CHODL: variants seen among roughly 807,000 people sequenced by gnomAD.
The protein encoded by CHODL is chondrolectin.
Under a neutral mutation model 34.5 loss-of-function variants are expected in CHODL, and 29 were observed. That is an observed-to-expected ratio of 0.84 (90% CI 0.63 to 1.15). CHODL has a LOEUF of 1.15. Among genes scored for constraint, CHODL ranks in the 50% most tolerant of loss-of-function variants. The pLI is 0.00. For missense variants in CHODL, 332 were observed against 332.5 expected (o/e 1.00, Z 0.01); for synonymous variants, 125 against 116.1 (o/e 1.08, Z -0.49).
At chr21:18,035,592 T>G (rs1330659548) in intron 2 of CHODL, among the ~76,000 whole-genome samples, 1 of 152,038 alleles carries the variant, frequency 6.6e-6, no homozygotes, top group Non-Finnish European at 1.5e-5. Flanking sequence ...TATATACTAG[T>G]CTACTTGAAG....
At chr21:18,206,304 A>G (rs1444634882) in intron 2 of CHODL, among the ~76,000 whole-genome samples, 1 of 152,216 alleles carries the variant, frequency 6.6e-6, no homozygotes, top group African/African-American at 2.4e-5. Context: ...TGCTTTGTAT[A>G]TCAGAATACT....
At chr21:18,191,258 A>G (rs1427639843) in intron 2 of CHODL, among the ~76,000 whole-genome samples, 1 of 152,142 alleles carries the variant, frequency 6.6e-6, no homozygotes, top group Admixed American at 6.6e-5. Flanking sequence ...GCAATTTGTT[A>G]TCTTAGCAGA....
At chr21:18,070,888 C>CTT (rs111964274) in intron 2 of CHODL, among the ~76,000 whole-genome samples, 1 of 144,716 alleles carries the variant, frequency 6.9e-6, no homozygotes, top group African/African-American at 2.5e-5. Context: ...TTATAGTATC[C>CTT]TTTTTTTTTT....
chr21:18,158,071 G>GTTT (rs34811787), intron 2 of CHODL, among the ~76,000 whole-genome samples: 4 of 141,284 alleles, frequency 2.8e-5, no homozygotes, highest in South Asian at 2.3e-4. Context: ...ATTCCAAAAG[G>GTTT]TTTTTTTTTT....
chr21:18,101,776 G>T (rs1245304635), intron 2 of CHODL, among the ~76,000 whole-genome samples: 5 of 150,814 alleles, frequency 3.3e-5, no homozygotes, highest in Non-Finnish European at 7.4e-5. Context: ...CTCATCCATG[G>T]TAAAGAGCAT....
At chr21:17,938,460 T>A (rs975524587) in intron 1 of CHODL, among the ~76,000 whole-genome samples, 3 of 109,632 alleles carry the variant, frequency 2.7e-5, no homozygotes, top group African/African-American at 3.5e-5. Flanking sequence ...GAAACCCACA[T>A]TCTTTTTTTT....
At chr21:18,160,456 C>T (rs1215321676) in intron 2 of CHODL, among the ~76,000 whole-genome samples, 1 of 151,818 alleles carries the variant, frequency 6.6e-6, no homozygotes, top group Non-Finnish European at 1.5e-5. Context: ...AACCTAGTAC[C>T]CATTAGTTAT....
At chr21:18,193,708 A>AT (rs2073543417) in intron 2 of CHODL, among the ~76,000 whole-genome samples, 1 of 142,000 alleles carries the variant, frequency 7.0e-6, no homozygotes, top group African/African-American at 2.8e-5. Context: ...AAAAAAAAAA[A>AT]AATAAAATAA....
chr21:17,987,964 AG>A (rs2063766624), intron 1 of CHODL, among the ~76,000 whole-genome samples: 1 of 152,168 alleles, frequency 6.6e-6, no homozygotes, highest in African/African-American at 2.4e-5. Flanking sequence ...GCACAAATTG[AG>A]GGTGGATGCA....
At chr21:18,128,492 T>C (rs1035149214) in intron 2 of CHODL, among the ~76,000 whole-genome samples, 1 of 151,936 alleles carries the variant, frequency 6.6e-6, no homozygotes, top group Non-Finnish European at 1.5e-5. Context: ...TTAAGGAAAC[T>C]TCAATAAAAT....
chr21:18,145,435 C>CTAAA (rs2072868990), intron 2 of CHODL, among the ~76,000 whole-genome samples: 1 of 60,892 alleles, frequency 1.6e-5, no homozygotes, highest in African/African-American at 5.3e-5. Flanking sequence ...GACTACCTTT[C>CTAAA]AAAAAAAAAA....
chr21:18,154,791 G>A (rs571756951), intron 2 of CHODL, among the ~76,000 whole-genome samples: 2 of 152,174 alleles, frequency 1.3e-5, no homozygotes, highest in Non-Finnish European at 2.9e-5. Flanking sequence ...TGTATTTAAT[G>A]TTATGCATTA....
At position 17,944,377 on chromosome 21, in the gene CHODL, A is replaced by G. The variant is rs527603714; in HGVS notation, c.-145+26977A>G. ...CCAACAATCCTGCCCAGGTAGAAAG[A>G]TTCTCACCTCTGTATTTTTTGGAGA... On this transcript the variant is annotated intron_variant, in intron 1 of 6. Transcript: ENST00000400127. Among the ~76,000 whole-genome samples the G allele has an allele frequency of 1.4e-4, 21 of 152,252 alleles. No homozygotes were observed. The East Asian group carries it at 3.5e-3, about 25-fold the overall frequency.
rs2063486335 is a variant in CHODL, at chr21:17,955,073, C to T, written c.-145+37673C>T. On this transcript the variant is annotated intron_variant, in intron 1 of 6. Transcript: ENST00000400127. ...GGAAAGTCCAAGATGAAGGCACAGGCAGATTCAGTGTCTGGTGAGAGCATG... is the reference window on the plus strand; with the variant it reads ...GGAAAGTCCAAGATGAAGGCACAGGTAGATTCAGTGTCTGGTGAGAGCATG... Among the ~76,000 whole-genome samples, 2 of 134,862 alleles carry T rather than the reference C, an allele frequency of 1.5e-5. 1 individual carries two copies. Among genetic ancestry groups the T allele is most frequent in the South Asian group, 5.7e-4 (2 of 3,526 alleles). The allele number at this position is 134,862 out of a possible 152,430, so 88.5% of individuals were successfully genotyped here. A position where few individuals can be genotyped will look rare whatever the true frequency, so the allele number is the denominator to read the frequency against.
intron 2 of CHODL, among the ~76,000 whole-genome samples, chr21:18,120,668 T>A (rs1230634708): frequency 6.6e-6 from 1 of 152,214 alleles, no homozygotes; most frequent in Non-Finnish European, 1.5e-5. Flanking sequence ...TATCTATACA[T>A]ATACACATAT....
chr21:18,136,420 T>C (rs2072729079), intron 2 of CHODL, among the ~76,000 whole-genome samples: 1 of 152,106 alleles, frequency 6.6e-6, no homozygotes, highest in Admixed American at 6.5e-5. Flanking sequence ...GTTTGACTGT[T>C]TCTATTCCCT....
upstream of CHODL, among the ~76,000 whole-genome samples, chr21:18,243,503 A>C (rs1009446855): frequency 2.0e-5 from 3 of 152,164 alleles, no homozygotes; most frequent in African/African-American, 7.2e-5. Context: ...TATAAGAAAA[A>C]GGAAGTGATA....
At chr21:18,214,303 C>A (rs1394094070) in intron 2 of CHODL, among the ~76,000 whole-genome samples, 1 of 152,054 alleles carries the variant, frequency 6.6e-6, no homozygotes, top group Non-Finnish European at 1.5e-5. Flanking sequence ...CTTCCTCTGA[C>A]CTTTCTCGTT....
intron 2 of CHODL, among the ~76,000 whole-genome samples, chr21:18,151,107 A>G (rs1408307147): frequency 7.1e-6 from 1 of 141,372 alleles, no homozygotes; most frequent in Non-Finnish European, 1.6e-5. Flanking sequence ...AAAAAAAAAG[A>G]AAGAAATTCT....
Sources: allele counts gnomAD v4.1 joint callset (sites outside exome capture counted in the v4.1 genomes callset), GRCh38; gene constraint gnomAD v4.1.1; transcripts MANE v1.5; gene names NCBI Gene and HGNC (gene_info 2026-07-23, HGNC 2026-07-21).